CALN1: variants seen among roughly 807,000 people sequenced by gnomAD.
CALN1 encodes calneuron 1, also known as calcium-binding protein 8.
In CALN1, 17 loss-of-function variants were observed where a neutral mutation model predicts 30.6. The ratio of observed to expected loss-of-function variants is 0.56; its 90% CI spans 0.38 to 0.83. The LOEUF (loss-of-function observed/expected upper bound fraction) is 0.83, where lower values mean the gene tolerates loss of function less well. Ranked by LOEUF, CALN1 falls within the 40% of genes least tolerant of loss-of-function variation. The pLI, the probability that CALN1 is intolerant of heterozygous loss-of-function variation, is 0.00. For synonymous variants in CALN1, 156 were observed against 131.4 expected, an observed-to-expected ratio of 1.19 and a Z score of -1.28; for missense variants, 291 against 354.9, an observed-to-expected ratio of 0.82 and a Z score of 1.45.
intron 1 of CALN1, among the ~76,000 whole-genome samples, chr7:72,418,977 C>CT (rs1484907865): frequency 6.6e-6 from 1 of 152,152 alleles, no homozygotes; most frequent in Non-Finnish European, 1.5e-5. Context: ...GATCATGCCA[C>CT]TGCACTCCAG....
chr7:71,988,667 T>A (rs1798800744), intron 5 of CALN1, among the ~76,000 whole-genome samples: 1 of 152,140 alleles, frequency 6.6e-6, no homozygotes, highest in Non-Finnish European at 1.5e-5. Context: ...TATGAGACGC[T>A]AAAAGCAGGG....
intron 5 of CALN1, among the ~76,000 whole-genome samples, chr7:71,882,576 C>T (rs754858586): frequency 2.0e-5 from 3 of 152,170 alleles, no homozygotes; most frequent in Admixed American, 6.5e-5. Context: ...ATCCTGGATA[C>T]ATGAAGTTTG....
chr7:71,971,096 T>C (rs999862613), intron 5 of CALN1, among the ~76,000 whole-genome samples: 1 of 152,112 alleles, frequency 6.6e-6, no homozygotes, highest in Non-Finnish European at 1.5e-5. Context: ...AAAAGAGGAC[T>C]GGTAAATAGG....
chr7:72,022,457 A>C (rs1441795814), intron 5 of CALN1, among the ~76,000 whole-genome samples: 1 of 152,184 alleles, frequency 6.6e-6, no homozygotes, highest in Non-Finnish European at 1.5e-5. Context: ...CAGTGGTGTG[A>C]TCATAGCTCA....
At chr7:72,388,209 C>T (rs907668976) in intron 2 of CALN1, among the ~76,000 whole-genome samples, 3 of 152,060 alleles carry the variant, frequency 2.0e-5, no homozygotes, top group African/African-American at 7.2e-5. Flanking sequence ...AAACGTGTAA[C>T]ATTACACTGT....
chr7:72,272,293 C>T (rs973056904), intron 3 of CALN1, among the ~76,000 whole-genome samples: 15 of 151,908 alleles, frequency 9.9e-5, no homozygotes, highest in South Asian at 2.1e-4. Context: ...CAGGTGTGTT[C>T]GCTCATGCCT....
At chr7:72,194,606 T>TG (rs1329040058) in intron 3 of CALN1, among the ~76,000 whole-genome samples, 1 of 149,680 alleles carries the variant, frequency 6.7e-6, no homozygotes, top group Non-Finnish European at 1.5e-5. Flanking sequence ...TTTTTTTTTT[T>TG]TTTTTTGACA....
At chr7:72,318,757 G>T (rs1293005318) in intron 2 of CALN1, among the ~76,000 whole-genome samples, 1 of 106,810 alleles carries the variant, frequency 9.4e-6, no homozygotes, top group African/African-American at 3.7e-5. Flanking sequence ...TCGCTATGTT[G>T]CCCAGACTAG....
At chr7:72,341,611 C>T (rs528614106) in intron 2 of CALN1, among the ~76,000 whole-genome samples, 1 of 152,298 alleles carries the variant, frequency 6.6e-6, no homozygotes, top group Admixed American at 6.5e-5. Flanking sequence ...GGGGGCCTCC[C>T]ACATAACCAG....
At chr7:72,195,386 CT>C (rs1337794870) in intron 3 of CALN1, among the ~76,000 whole-genome samples, 1 of 152,136 alleles carries the variant, frequency 6.6e-6, no homozygotes, top group South Asian at 2.1e-4. Flanking sequence ...CAATCTCTCT[CT>C]TTTTTTAAGA....
rs183831505 is a variant in CALN1, at chr7:72,442,976, T to C, written c.-226+4066A>G. ...TATTAAGGGTTGCACTTATTTAGGA[T>C]TGCACTTTATTAAGGGTTGTGCTTA... On this transcript the variant is annotated intron_variant, in intron 1 of 6. Transcript: ENST00000395276. 1.4e-3 allele frequency among the ~76,000 whole-genome samples: 209 copies of C among 152,210 alleles called. 2 individuals carry two copies. Among genetic ancestry groups the C allele is most frequent in the African/African-American group, 4.9e-3 (204 of 41,454 alleles).
Position 71,928,757 on chromosome 7 carries a change from C to T in CALN1, c.501+94900G>A, listed in dbSNP as rs549514046. Among the ~76,000 whole-genome samples, 388 of 152,116 alleles carry T rather than the reference C, an allele frequency of 2.6e-3. 1 individual carries two copies. The highest frequency in any genetic ancestry group is 8.9e-3 in the African/African-American group (368 of 41,502). On this transcript the variant is annotated intron_variant, in intron 5 of 6. Coordinates refer to ENST00000395275, the MANE Select transcript of CALN1 (RefSeq NM_031468.4). ...GCAAAAAGAAATATTCTAGGCCTGG[C>T]GCAGTGGCTCATGCCTATAATATCA...
At chr7:72,223,866 G>A (rs1339912159) in intron 3 of CALN1, among the ~76,000 whole-genome samples, 1 of 152,174 alleles carries the variant, frequency 6.6e-6, no homozygotes, top group Non-Finnish European at 1.5e-5. Flanking sequence ...GAAGCAGCTG[G>A]AGGCTATCAT....
At chr7:72,460,690 G>T in the CALN1 span, among the ~76,000 whole-genome samples, 2 of 152,120 alleles carry the variant, frequency 1.3e-5, no homozygotes, top group South Asian at 4.1e-4. Context: ...TGAGATTTCT[G>T]TGAACGCATG....
chr7:71,872,036 CTTTTAATGTTATTTAG>C (rs1791964798), intron 5 of CALN1, among the ~76,000 whole-genome samples: 1 of 152,182 alleles, frequency 6.6e-6, no homozygotes, highest in African/African-American at 2.4e-5. Flanking sequence ...AATAAGATAA[CTTTTAATGTTATTTAG>C]TTTTAATGAA....
At chr7:71,937,568 T>A (rs1795911070) in intron 5 of CALN1, among the ~76,000 whole-genome samples, 1 of 152,094 alleles carries the variant, frequency 6.6e-6, no homozygotes, top group South Asian at 2.1e-4. Flanking sequence ...AGCCTCACAT[T>A]CCTAGGCTCA....
intron 5 of CALN1, among the ~76,000 whole-genome samples, chr7:71,812,664 G>A (rs888246141): frequency 6.6e-6 from 1 of 152,132 alleles, no homozygotes; most frequent in African/African-American, 2.4e-5. Context: ...AGCATTGAAA[G>A]AAGCAATTGT....
At chr7:71,952,689 G>A (rs1179070266) in intron 5 of CALN1, among the ~76,000 whole-genome samples, 3 of 151,896 alleles carry the variant, frequency 2.0e-5, no homozygotes, top group Non-Finnish European at 2.9e-5. Context: ...TTACAAGTAC[G>A]GCCATACGGA....
chr7:72,215,359 C>T (rs376623772), intron 3 of CALN1, among the ~76,000 whole-genome samples: 1 of 151,972 alleles, frequency 6.6e-6, no homozygotes. Flanking sequence ...TTTGGGAGGC[C>T]GAGGTGGGCA....
Sources: allele counts gnomAD v4.1 joint callset (sites outside exome capture counted in the v4.1 genomes callset), GRCh38; gene constraint gnomAD v4.1.1; transcripts MANE v1.5; gene names NCBI Gene and HGNC (gene_info 2026-07-23, HGNC 2026-07-21).